PROM1: variants seen among roughly 807,000 people sequenced by gnomAD.
PROM1 encodes prominin 1, also known as prominin-1.
Under a neutral mutation model 116.9 loss-of-function variants are expected in PROM1, and 105 were observed. The ratio of observed to expected loss-of-function variants is 0.90; its 90% confidence interval spans 0.77 to 1.06. The LOEUF is 1.06. PROM1 is among the 50% of genes least tolerant of loss of function. PROM1 has a pLI of 0.00. For synonymous variants in PROM1, 393 were observed against 387.0 expected, an observed-to-expected ratio of 1.02 and a Z score of -0.18; for missense variants, 1,122 against 1,045.2, an observed-to-expected ratio of 1.07 and a Z score of -1.01.
chr4:15,977,382 TCAGTC>T (rs1025830569), intron 26 of PROM1, among the ~76,000 whole-genome samples: 1 of 152,136 alleles, frequency 6.6e-6, no homozygotes, highest in African/African-American at 2.4e-5. Context: ...CTTGAAAATT[TCAGTC>T]CATATATATA....
chr4:16,042,116 C>A (rs970759278), intron 2 of PROM1, among the ~76,000 whole-genome samples: 8 of 152,124 alleles, frequency 5.3e-5, no homozygotes, highest in African/African-American at 1.9e-4. Context: ...GCCTGGCCAG[C>A]ATTTTCTCTG....
chr4:15,979,888 TG>T lies in PROM1; in HGVS notation c.2505del (p.Met836Ter). ...TTTTTTAAAAAGGCTTACTTTTTCA[TG>T]GGTATAGTTTCAACACTATAAAATA... is the stretch of plus-strand genomic sequence containing the variant. ...EDVYDDVETI[P>X]MKNMENGNNG... On this transcript the variant is annotated frameshift_variant, in exon 25 of 28. Transcript: ENST00000447510. LOFTEE classifies it high-confidence loss of function. The T allele has an allele frequency of 6.9e-7, 1 of 1,453,470 alleles. No individual in the cohort carries two copies. Among genetic ancestry groups the T allele is most frequent in the Non-Finnish European group, 9.4e-7 (1 of 1,065,472 alleles). The allele number at this position is 1,453,470 out of a possible 1,614,324, so 90.0% of individuals were successfully genotyped here. A position where few individuals can be genotyped will look rare whatever the true frequency, so the allele number is the denominator to read the frequency against.
intron 2 of PROM1, among the ~76,000 whole-genome samples, chr4:16,046,356 G>C (rs1400797522): frequency 3.3e-5 from 5 of 152,214 alleles, no homozygotes; most frequent in African/African-American, 1.2e-4. Flanking sequence ...CATTGGGCTA[G>C]GCCCGCTGGG....
chr4:15,985,344 G>GTATA (rs1719074062), intron 22 of PROM1, among the ~76,000 whole-genome samples: 1 of 152,136 alleles, frequency 6.6e-6, no homozygotes, highest in African/African-American at 2.4e-5. Flanking sequence ...AGGGACAATT[G>GTATA]TATATATTTT....
chr4:15,983,661 G>A (rs780985008), intron 23 of PROM1, among the ~76,000 whole-genome samples: 2 of 152,136 alleles, frequency 1.3e-5, no homozygotes, highest in African/African-American at 2.4e-5. Flanking sequence ...AAAGAAAGGC[G>A]GGCAGGCAGA....
At chr4:16,058,713 T>C (rs1739615762) in intron 2 of PROM1, among the ~76,000 whole-genome samples, 1 of 150,508 alleles carries the variant, frequency 6.6e-6, no homozygotes, top group Non-Finnish European at 1.5e-5. Flanking sequence ...AAAACTGTCC[T>C]CAGGAGTAAT....
chr4:15,976,936 C>G (rs1401721454), intron 26 of PROM1, among the ~76,000 whole-genome samples: 1 of 152,182 alleles, frequency 6.6e-6, no homozygotes, highest in South Asian at 2.1e-4. Context: ...GCTGCTCCAG[C>G]CCTGGGAGCA....
In PROM1 at chr4:16,018,324, T is replaced by G; in HGVS notation, c.1001A>C (p.Gln334Pro). ...SQLNSNPELRQLPPVDAELDN... is the reference protein window; with the variant it reads ...SQLNSNPELRPLPPVDAELDN... Reference sequence around the variant, plus strand: ...CATGGCAAGCTCATGCCTGCTCACCTGCCTCAGTTCAGGGTTGCTATTCAG... The same window carrying G: ...CATGGCAAGCTCATGCCTGCTCACCGGCCTCAGTTCAGGGTTGCTATTCAG... The change falls in exon 9 of 28, where the codon CAG becomes CCG. Residue 334 changes from glutamine to proline, a missense_variant and splice_region_variant. Coordinates refer to ENST00000447510, the MANE Select transcript of PROM1 (RefSeq NM_006017.3). 1 of 1,612,738 alleles carries G rather than the reference T, an allele frequency of 6.2e-7. No individual in the cohort carries two copies. The highest frequency in any genetic ancestry group is 8.5e-7 in the Non-Finnish European group (1 of 1,179,730).
chr4:16,009,495 C>T (rs1280712686), intron 11 of PROM1, among the ~76,000 whole-genome samples: 3 of 152,174 alleles, frequency 2.0e-5, no homozygotes, highest in East Asian at 1.9e-4. Flanking sequence ...CTAACAGCGA[C>T]CCGGAGGCTC....
At chr4:16,002,652 G>T (rs576921185) in intron 13 of PROM1, among the ~76,000 whole-genome samples, 10 of 151,642 alleles carry the variant, frequency 6.6e-5, no homozygotes, top group African/African-American at 2.4e-4. Flanking sequence ...TCTGAGTCTG[G>T]GAGAGCACAA....
At chr4:16,077,507 C>T (rs527427321) in intron 1 of PROM1, among the ~76,000 whole-genome samples, 9 of 152,234 alleles carry the variant, frequency 5.9e-5, no homozygotes, top group Admixed American at 1.3e-4. Context: ...GTACGCTGAA[C>T]GCTGGTCCCC....
intron 2 of PROM1, among the ~76,000 whole-genome samples, chr4:16,071,145 C>T (rs921045241): frequency 6.6e-6 from 1 of 152,178 alleles, no homozygotes; most frequent in Non-Finnish European, 1.5e-5. Context: ...CTCCAGACCA[C>T]TACAAAAGCC....
intron 13 of PROM1, among the ~76,000 whole-genome samples, chr4:16,002,028 G>A (rs1460407046): frequency 6.6e-6 from 1 of 152,186 alleles, no homozygotes; most frequent in Non-Finnish European, 1.5e-5. Context: ...GCACTGCAGA[G>A]AAGGGATGGA....
chr4:16,053,509 A>G (rs1337135270), intron 2 of PROM1, among the ~76,000 whole-genome samples: 3 of 152,256 alleles, frequency 2.0e-5, no homozygotes, highest in Non-Finnish European at 2.9e-5. Flanking sequence ...AAATATGGGC[A>G]CTAAACTTAA....
chr4:15,981,350 C>T (rs1184705683), intron 23 of PROM1, among the ~76,000 whole-genome samples: 2 of 151,522 alleles, frequency 1.3e-5, no homozygotes, highest in African/African-American at 2.4e-5. Context: ...GCAGGCGGAT[C>T]ACGAGGTTAG....
chr4:16,022,479 G>T (rs564124130), intron 8 of PROM1, among the ~76,000 whole-genome samples: 1 of 152,188 alleles, frequency 6.6e-6, no homozygotes. Context: ...TGTTCTGCAC[G>T]TCCTCCAGTT....
intron 14 of PROM1, among the ~76,000 whole-genome samples, chr4:15,999,977 C>T (rs1038833918): frequency 1.3e-5 from 2 of 152,170 alleles, no homozygotes; most frequent in African/African-American, 4.8e-5. Flanking sequence ...AGGGAGAAAG[C>T]GAAGCTTGAA....
At chr4:16,048,683 C>T (rs1416182733) in intron 2 of PROM1, among the ~76,000 whole-genome samples, 4 of 152,154 alleles carry the variant, frequency 2.6e-5, no homozygotes, top group African/African-American at 7.2e-5. Flanking sequence ...GACTGACACA[C>T]GTTGGCTTTT....
At chr4:16,064,178 A>G (rs1241499580) in intron 2 of PROM1, among the ~76,000 whole-genome samples, 1 of 152,230 alleles carries the variant, frequency 6.6e-6, no homozygotes, top group East Asian at 1.9e-4. Context: ...AAAAATCTTC[A>G]TAGCAGGACT....
Sources: gnomAD v4.1 joint callset for allele counts (sites outside exome capture counted in the v4.1 genomes callset) on GRCh38, gnomAD v4.1.1 for gene constraint, MANE v1.5 for transcripts, NCBI Gene and HGNC (gene_info 2026-07-23, HGNC 2026-07-21) for gene names.